The following IMMP1L variants were observed in gnomAD, a reference collection of about 807,000 sequenced individuals.
IMMP1L encodes mitochondrial inner membrane protease subunit 1.
Under a neutral mutation model 21.8 loss-of-function variants are expected in IMMP1L, and 24 were observed. That is an observed-to-expected ratio of 1.10 (90% CI 0.80 to 1.55). The LOEUF is 1.55. Among genes scored for constraint, IMMP1L ranks in the 40% most tolerant of loss-of-function variants. The probability of loss-of-function intolerance (pLI) is 0.00; values close to 1 mark genes in which losing one functional copy is unlikely to be tolerated. For synonymous variants in IMMP1L, 46 were observed against 62.8 expected, an observed-to-expected ratio of 0.73 and a Z score of 1.26; for missense variants, 195 against 200.7, an observed-to-expected ratio of 0.97 and a Z score of 0.17.
At position 31,477,420 on chromosome 11, in the gene IMMP1L, C is replaced by CTTGCATAATTTTAAGTCATA. The variant is rs546310549; in HGVS notation, c.-29-14135_-29-14116dup. 4.0e-4 allele frequency: 162 copies of CTTGCATAATTTTAAGTCATA among 404,930 alleles called. 2 individuals are homozygous for CTTGCATAATTTTAAGTCATA. Among genetic ancestry groups the CTTGCATAATTTTAAGTCATA allele is most frequent in the African/African-American group, 3.2e-3 (147 of 46,096 alleles). 25.1% of individuals were successfully genotyped at this position (404,930 alleles called of 1,614,324 possible). The stretch of plus-strand genomic sequence containing the variant: ...ATCATATAGCTTAGTTTGTATATGT[C>CTTGCATAATTTTAAGTCATA]TTGCATAATTTTAAGTCATATAGCT... On this transcript the variant is annotated intron_variant, in intron 1 of 5. Transcript: ENST00000532287.
chr11:31,504,051 G>A (rs529928500), intron 1 of IMMP1L, among the ~76,000 whole-genome samples: 4 of 152,188 alleles, frequency 2.6e-5, no homozygotes, highest in East Asian at 1.9e-4. Flanking sequence ...CATCTTTACC[G>A]CTGCCTCACA....
At chr11:31,464,325 CCAGCAT>C (rs2133676457) in intron 1 of IMMP1L, among the ~76,000 whole-genome samples, 1 of 151,984 alleles carries the variant, frequency 6.6e-6, no homozygotes, top group East Asian at 1.9e-4. Context: ...AAAGAAAAGC[CCAGCAT>C]CAGATGGTTT....
chr11:31,459,087 C>T lies in IMMP1L; in HGVS notation c.194+1539G>A, dbSNP rs562934262. ...TTAAAAAGAAAAGGGAGCAACAACA[C>T]AATCTATTATATAAGTTTTATTTTA... On this transcript the variant is annotated intron_variant, in intron 3 of 5. Coordinates refer to ENST00000532287, the MANE Select transcript of IMMP1L (RefSeq NM_001304274.2). Among the ~76,000 whole-genome samples, 6 of 152,230 alleles carry T rather than the reference C, an allele frequency of 3.9e-5. No homozygotes were observed. In the South Asian group the frequency reaches 1.2e-3, roughly 32 times the overall value.
intron 1 of IMMP1L, among the ~76,000 whole-genome samples, chr11:31,491,256 G>C (rs897803206): frequency 1.3e-5 from 2 of 152,142 alleles, no homozygotes; most frequent in African/African-American, 4.8e-5. Context: ...AATCTTAAGA[G>C]AACTCTGCTA....
intron 4 of IMMP1L, among the ~76,000 whole-genome samples, chr11:31,448,146 T>G (rs1953600022): frequency 6.6e-6 from 1 of 152,018 alleles, no homozygotes; most frequent in African/African-American, 2.4e-5. Flanking sequence ...CTGCCTCTAC[T>G]AAAAATACAA....
intron 1 of IMMP1L, among the ~76,000 whole-genome samples, chr11:31,501,144 G>A (rs1172919736): frequency 6.6e-6 from 1 of 152,084 alleles, no homozygotes; most frequent in Non-Finnish European, 1.5e-5. Flanking sequence ...CATCAACATA[G>A]GAGGTTCTAC....
At chr11:31,455,554 T>C (rs1003893500) in intron 4 of IMMP1L, among the ~76,000 whole-genome samples, 1 of 152,202 alleles carries the variant, frequency 6.6e-6, no homozygotes, top group East Asian at 1.9e-4. Flanking sequence ...ATTTCGATTA[T>C]CAAAATTTAA....
intron 4 of IMMP1L, among the ~76,000 whole-genome samples, chr11:31,454,406 C>A (rs192564426): frequency 1.6e-5 from 2 of 125,970 alleles, no homozygotes; most frequent in East Asian, 5.0e-4. Context: ...GAGCTGAGAT[C>A]GTGCCACTGC....
chr11:31,499,576 C>T (rs927948202), intron 1 of IMMP1L, among the ~76,000 whole-genome samples: 1 of 152,070 alleles, frequency 6.6e-6, no homozygotes, highest in Non-Finnish European at 1.5e-5. Context: ...TTATAGTTCA[C>T]AGGGTAAATC....
intron 1 of IMMP1L, among the ~76,000 whole-genome samples, chr11:31,497,436 C>T (rs1955482254): frequency 6.7e-6 from 1 of 149,326 alleles, no homozygotes; most frequent in South Asian, 2.1e-4. Context: ...CAAGTTACTG[C>T]TTCTTGGGTA....
chr11:31,447,604 G>C (rs1385761599), intron 4 of IMMP1L, among the ~76,000 whole-genome samples: 1 of 152,152 alleles, frequency 6.6e-6, no homozygotes, highest in Non-Finnish European at 1.5e-5. Flanking sequence ...CTCTGCATTT[G>C]TGTTTAGTTG....
intron 1 of IMMP1L, among the ~76,000 whole-genome samples, chr11:31,475,500 T>A (rs1355793939): frequency 6.6e-6 from 1 of 152,184 alleles, no homozygotes; most frequent in Admixed American, 6.5e-5. Context: ...CTCCCAAGTG[T>A]CTGGGACCAG....
intron 4 of IMMP1L, among the ~76,000 whole-genome samples, chr11:31,447,867 T>TGGGC (rs1953586171): frequency 6.6e-6 from 1 of 152,226 alleles, no homozygotes; most frequent in African/African-American, 2.4e-5. Context: ...AATATTTTTA[T>TGGGC]GGGCTAAGAT....
intron 1 of IMMP1L, among the ~76,000 whole-genome samples, chr11:31,476,624 T>C (rs1954738707): frequency 6.6e-6 from 1 of 152,034 alleles, no homozygotes; most frequent in Non-Finnish European, 1.5e-5. Context: ...TTTTAAAAGA[T>C]ACAGCTACTA....
At chr11:31,438,723 CCTCT>C (rs978510414) in intron 4 of IMMP1L, among the ~76,000 whole-genome samples, 19 of 151,934 alleles carry the variant, frequency 1.3e-4, no homozygotes, top group Admixed American at 1.1e-3. Flanking sequence ...CTTTTTTCCT[CCTCT>C]CTATTGGATT....
intron 1 of IMMP1L, among the ~76,000 whole-genome samples, chr11:31,506,129 A>T (rs1409958831): frequency 6.6e-6 from 1 of 152,132 alleles, no homozygotes; most frequent in Admixed American, 6.6e-5. Flanking sequence ...GTACTGACAC[A>T]GTATTTTTTT....
In IMMP1L at chr11:31,433,457, T is replaced by C; in HGVS notation, c.432+3A>G. On this transcript the variant is annotated splice_donor_region_variant and intron_variant, in intron 5 of 5. Transcript: ENST00000532287. ...ACCTTACATTTTAAGCAGAAAATGG[T>C]ACCTTAAAGAAGATTCGTCCTCTTA... The C allele has an allele frequency of 6.7e-7, 1 of 1,499,454 alleles. No individual in the cohort carries two copies. The highest frequency in any genetic ancestry group is 9.1e-7 in the Non-Finnish European group (1 of 1,095,730). 92.9% of individuals were successfully genotyped at this position (1,499,454 alleles called of 1,614,324 possible).
intron 1 of IMMP1L, among the ~76,000 whole-genome samples, chr11:31,488,600 A>G (rs1955156222): frequency 6.6e-6 from 1 of 152,216 alleles, no homozygotes; most frequent in African/African-American, 2.4e-5. Flanking sequence ...GGATACAAAC[A>G]TTAACTTCTG....
intron 4 of IMMP1L, chr11:31,437,053 A>AAT (rs1372676609): frequency 5.5e-6 from 2 of 363,374 alleles, no homozygotes; most frequent in African/African-American, 4.3e-5. Context: ...AGATCTCTAT[A>AAT]AAACAAGAAA....
Sources: gnomAD v4.1 joint callset for allele counts (sites outside exome capture counted in the v4.1 genomes callset) on GRCh38, gnomAD v4.1.1 for gene constraint, MANE v1.5 for transcripts, NCBI Gene and HGNC (gene_info 2026-07-23, HGNC 2026-07-21) for gene names.